The following TGFBR1 variants were observed in gnomAD, a reference collection of about 807,000 sequenced individuals.
TGFBR1 encodes transforming growth factor beta receptor 1, also known as TGF-beta receptor type-1.
In TGFBR1, 20 loss-of-function variants were observed where a neutral mutation model predicts 55.1. The ratio of observed to expected loss-of-function variants is 0.36; its 90% CI spans 0.26 to 0.53. The LOEUF is 0.53. TGFBR1 is among the 20% of genes least tolerant of loss of function. The probability of loss-of-function intolerance (pLI) is 0.91; values close to 1 mark genes in which losing one functional copy is unlikely to be tolerated. For synonymous variants in TGFBR1, 220 were observed against 214.8 expected (o/e 1.02, Z -0.21); for missense variants, 385 against 617.6 (o/e 0.62, Z 3.99).
chr9:99,108,775 A>G (rs923678017), intron 1 of TGFBR1, among the ~76,000 whole-genome samples: 1 of 152,206 alleles, frequency 6.6e-6, no homozygotes, highest in Non-Finnish European at 1.5e-5. Flanking sequence ...ATTAACCTCT[A>G]TCATTTTTTC....
At chr9:99,115,044 G>A (rs563746917) in intron 1 of TGFBR1, among the ~76,000 whole-genome samples, 38 of 152,226 alleles carry the variant, frequency 2.5e-4, no homozygotes, top group Admixed American at 5.2e-4. Context: ...GGCATTCTGT[G>A]GTTAGAAGCA....
At chr9:99,105,912 G>C (rs1826400048) in intron 1 of TGFBR1, among the ~76,000 whole-genome samples, 2 of 152,212 alleles carry the variant, frequency 1.3e-5, no homozygotes, top group Admixed American at 6.5e-5. Flanking sequence ...CGCCCGGCTC[G>C]ACCCGAGCCG....
At chr9:99,145,960 C>A (rs1057035168) in intron 6 of TGFBR1, 2 of 188,648 alleles carry the variant, frequency 1.1e-5, no homozygotes, top group East Asian at 2.9e-4. Context: ...GTGGTATGGC[C>A]GTAGATGACT....
intron 1 of TGFBR1, among the ~76,000 whole-genome samples, chr9:99,115,892 T>G (rs1826720525): frequency 6.6e-6 from 1 of 152,164 alleles, no homozygotes; most frequent in Non-Finnish European, 1.5e-5. Flanking sequence ...GGAAAAAAAT[T>G]ACAAATCAGG....
At position 99,151,406 on chromosome 9, in the gene TGFBR1, T is replaced by TG. The variant is rs1554703238; in HGVS notation, c.*2101_*2102insG. 536 of 220,412 alleles carry TG rather than the reference T, an allele frequency of 2.4e-3. 4 individuals carry two copies. Among genetic ancestry groups the TG allele is most frequent in the African/African-American group, 0.012 (504 of 42,244 alleles). The allele number at this position is 220,412 out of a possible 1,614,324, so 13.7% of individuals were successfully genotyped here. The stretch of plus-strand genomic sequence containing the variant: ...TGGGGGTTTTTTTTTTGTTTTTTTT[T>TG]TTTTGTTGTTGTTTTTGGGCCATTT... On this transcript the variant is annotated 3_prime_UTR_variant, in exon 9 of 9. Transcript: ENST00000374994.
At chr9:99,122,233 TTG>T (rs960180660) in intron 1 of TGFBR1, among the ~76,000 whole-genome samples, 10 of 152,198 alleles carry the variant, frequency 6.6e-5, no homozygotes, top group Admixed American at 6.6e-4. Context: ...TACGGGTAGG[TTG>T]TGTAGATGAT....
intron 1 of TGFBR1, among the ~76,000 whole-genome samples, chr9:99,113,079 C>G (rs1288106145): frequency 1.3e-5 from 2 of 152,170 alleles, no homozygotes; most frequent in Non-Finnish European, 2.9e-5. Flanking sequence ...TCCTGTTTTG[C>G]AGGTTCATGC....
In TGFBR1 at chr9:99,108,223, G is replaced by A. The variant is rs111887832; in HGVS notation, c.97+2921G>A. 6.6e-5 allele frequency among the ~76,000 whole-genome samples: 10 copies of A among 152,152 alleles called. No homozygotes were observed. In the East Asian group the frequency reaches 9.6e-4, roughly 15 times the overall value. On this transcript the variant is annotated intron_variant, in intron 1 of 8. Coordinates refer to ENST00000374994, the MANE Select transcript of TGFBR1 (RefSeq NM_004612.4). ...AAATAATCAGGAAAAGTTGTATGGCGTGTTGAAAGCAATTGGTTATTTGTC... is the reference window on the plus strand; with the variant it reads ...AAATAATCAGGAAAAGTTGTATGGCATGTTGAAAGCAATTGGTTATTTGTC...
chr9:99,115,194 T>A (rs1019650875), intron 1 of TGFBR1, among the ~76,000 whole-genome samples: 2 of 152,190 alleles, frequency 1.3e-5, no homozygotes, highest in African/African-American at 2.4e-5. Flanking sequence ...TCACTTTTCC[T>A]TTTTTCTGCA....
chr9:99,129,130 AC>A, intron 2 of TGFBR1, 30 bp downstream of exon 2: 1 of 1,609,350 alleles, frequency 6.2e-7, no homozygotes, highest in Non-Finnish European at 8.5e-7. Context: ...TTTCCTAGAT[AC>A]TACAAGAAAA....
intron 1 of TGFBR1, among the ~76,000 whole-genome samples, chr9:99,128,395 A>C (rs1263357231): frequency 6.6e-6 from 1 of 151,220 alleles, no homozygotes; most frequent in African/African-American, 2.4e-5. Flanking sequence ...AAATGGCATT[A>C]GCCTACACTT....
chr9:99,133,669 C>G (rs1191658046), intron 3 of TGFBR1, among the ~76,000 whole-genome samples: 1 of 152,140 alleles, frequency 6.6e-6, no homozygotes, highest in African/African-American at 2.4e-5. Context: ...GGAACCCATA[C>G]TGTTGATAAA....
chr9:99,107,571 C>T (rs1388670738), intron 1 of TGFBR1, among the ~76,000 whole-genome samples: 2 of 152,318 alleles, frequency 1.3e-5, no homozygotes, highest in South Asian at 4.1e-4. Flanking sequence ...GGTATGCAGC[C>T]TTCAGCTTAA....
At chr9:99,109,970 C>G (rs200956534) in intron 1 of TGFBR1, among the ~76,000 whole-genome samples, 119 of 152,290 alleles carry the variant, frequency 7.8e-4, no homozygotes, top group Non-Finnish European at 1.3e-3. Context: ...AATGTCAAAT[C>G]CAGGCAGTCT....
In TGFBR1 at chr9:99,153,887, G is replaced by A. The variant is rs996082206; in HGVS notation, c.*4582G>A. On this transcript the variant is annotated 3_prime_UTR_variant, in exon 9 of 9. Transcript: ENST00000374994. The stretch of plus-strand genomic sequence containing the variant: ...CTTAGGGGTGTGGGTCTTCCATTGG[G>A]GCATGATGGACCTGTCTACAGGTGA... The A allele has an allele frequency of 2.3e-5, 5 of 213,358 alleles. No individual in the cohort carries two copies. The highest frequency in any genetic ancestry group is 1.8e-4 in the Admixed American group (3 of 17,048). 13.2% of individuals were successfully genotyped at this position (213,358 alleles called of 1,614,324 possible).
chr9:99,127,968 T>G, intron 1 of TGFBR1: 1 of 456,042 alleles, frequency 2.2e-6, no homozygotes, highest in Non-Finnish European at 4.4e-6. Context: ...GTTTACAGTT[T>G]CATAGGAGAA....
chr9:99,113,881 A>C (rs1203918940), intron 1 of TGFBR1, among the ~76,000 whole-genome samples: 3 of 152,202 alleles, frequency 2.0e-5, no homozygotes, highest in African/African-American at 4.8e-5. Context: ...CCCTGGAACT[A>C]TTCAGGCAGA....
At chr9:99,146,795 A>G (rs907538438) in intron 7 of TGFBR1, among the ~76,000 whole-genome samples, 186 bp downstream of exon 7, 32 of 152,236 alleles carry the variant, frequency 2.1e-4, no homozygotes, top group African/African-American at 7.7e-4. Flanking sequence ...GCACATGCAC[A>G]GCTCTAGCCT....
chr9:99,103,668 G>A (rs1292043424), upstream of TGFBR1, among the ~76,000 whole-genome samples: 3 of 152,216 alleles, frequency 2.0e-5, no homozygotes, highest in African/African-American at 7.2e-5. Context: ...TGAGGCTGCT[G>A]GAGCTGCGGT....
Sources: allele counts gnomAD v4.1 joint callset (sites outside exome capture counted in the v4.1 genomes callset), GRCh38; gene constraint gnomAD v4.1.1; transcripts MANE v1.5; gene names NCBI Gene and HGNC (gene_info 2026-07-23, HGNC 2026-07-21).